The following ALK variants were observed in gnomAD, a reference collection of about 807,000 sequenced individuals.
ALK encodes ALK receptor tyrosine kinase, also known as ALK tyrosine kinase receptor.
Under a neutral mutation model 163.1 loss-of-function variants are expected in ALK, and 74 were observed. The ratio of observed to expected loss-of-function variants is 0.45; its 90% CI spans 0.38 to 0.55. The LOEUF (loss-of-function observed/expected upper bound fraction) is 0.55. ALK is among the 20% of genes least tolerant of loss of function. ALK has a pLI of 0.00. For missense variants in ALK, 2,063 were observed against 2,105.3 expected (o/e 0.98, Z 0.39); for synonymous variants, 960 against 843.2 (o/e 1.14, Z -2.40).
chr2:29,217,319 GGT>G (rs1049485666), intron 23 of ALK, among the ~76,000 whole-genome samples: 17 of 148,616 alleles, frequency 1.1e-4, no homozygotes, highest in African/African-American at 3.2e-4. Flanking sequence ...ATATGCATGT[GGT>G]GTGTGTTTTT....
rs111602861 is a variant in ALK, at chr2:29,881,874, C to G, written c.667+38119G>C. Among the ~76,000 whole-genome samples the G allele has an allele frequency of 3.7e-3, 557 of 152,304 alleles. 7 individuals are homozygous for G. Among genetic ancestry groups the G allele is most frequent in the African/African-American group, 0.013 (528 of 41,576 alleles). The stretch of plus-strand genomic sequence containing the variant: ...TCCCTCATTTTAAACCTCAAATTTT[C>G]TGTAGTTTCTACTCCCAGCAGATTG... On this transcript the variant is annotated intron_variant, in intron 1 of 28. Transcript: ENST00000389048.
At chr2:29,543,280 G>C (rs1340714586) in intron 3 of ALK, among the ~76,000 whole-genome samples, 1 of 152,168 alleles carries the variant, frequency 6.6e-6, no homozygotes, top group Admixed American at 6.5e-5. Context: ...CATGCTGCTG[G>C]ATTATTCACA....
intron 1 of ALK, among the ~76,000 whole-genome samples, chr2:29,860,828 T>A (rs1487728460): frequency 6.6e-6 from 1 of 152,112 alleles, no homozygotes; most frequent in Non-Finnish European, 1.5e-5. Context: ...AGACAAAATT[T>A]AAAACACAAC....
chr2:29,332,284 TCAAAAAAAAAAAAAAAAAA>T (rs1667465128), intron 5 of ALK, among the ~76,000 whole-genome samples: 1 of 33,380 alleles, frequency 3.0e-5, no homozygotes, highest in Non-Finnish European at 5.4e-5. Context: ...AGACTCCATC[TCAAAAAAAAAAAAAAAAAA>T]AAAAAAAAAA....
At chr2:29,292,925 C>G (rs1666076045) in intron 9 of ALK, among the ~76,000 whole-genome samples, 1 of 152,186 alleles carries the variant, frequency 6.6e-6, no homozygotes, top group Admixed American at 6.5e-5. Flanking sequence ...TGGGGGCAAT[C>G]TGACTAGAGC....
intron 1 of ALK, among the ~76,000 whole-genome samples, chr2:29,859,091 C>T (rs1036852596): frequency 1.3e-5 from 2 of 152,182 alleles, no homozygotes; most frequent in Non-Finnish European, 2.9e-5. Context: ...ATCTTCCAGA[C>T]ATTCTCAGGA....
chr2:29,657,335 G>A (rs1401508051), intron 3 of ALK, among the ~76,000 whole-genome samples: 1 of 152,088 alleles, frequency 6.6e-6, no homozygotes, highest in African/African-American at 2.4e-5. Flanking sequence ...TTCAGTAGAA[G>A]CATGACTCCG....
chr2:29,269,983 G>A (rs1665337513), intron 11 of ALK, among the ~76,000 whole-genome samples: 2 of 152,186 alleles, frequency 1.3e-5, no homozygotes, highest in Non-Finnish European at 2.9e-5. Flanking sequence ...CTGTTGAAAC[G>A]AAAACTAACA....
chr2:29,464,135 T>G (rs991291503), intron 4 of ALK, among the ~76,000 whole-genome samples: 2 of 152,182 alleles, frequency 1.3e-5, no homozygotes, highest in Admixed American at 6.5e-5. Context: ...CTTGATGATA[T>G]AAAATCACAA....
intron 4 of ALK, among the ~76,000 whole-genome samples, chr2:29,384,651 A>AGTGTGT (rs56101801): frequency 4.8e-4 from 72 of 150,654 alleles, no homozygotes; most frequent in East Asian, 3.9e-4. Flanking sequence ...AATGTCTGCG[A>AGTGTGT]GTGTGTGTGT....
chr2:29,614,076 G>A (rs1255607686), intron 3 of ALK, among the ~76,000 whole-genome samples: 2 of 152,186 alleles, frequency 1.3e-5, no homozygotes, highest in Non-Finnish European at 2.9e-5. Flanking sequence ...CAGAGAAAGT[G>A]AGGAGGAGCT....
intron 1 of ALK, among the ~76,000 whole-genome samples, chr2:29,765,384 T>G (rs1380063638): frequency 6.6e-6 from 1 of 152,188 alleles, no homozygotes; most frequent in Admixed American, 6.5e-5. Flanking sequence ...TCTCCAGGAT[T>G]GTTGGATTAA....
intron 3 of ALK, among the ~76,000 whole-genome samples, chr2:29,643,609 G>T (rs965074547): frequency 6.6e-6 from 1 of 152,180 alleles, no homozygotes; most frequent in African/African-American, 2.4e-5. Flanking sequence ...CCAGGAGCGG[G>T]TGAACAGTGG....
At chr2:29,508,403 G>A (rs1672400193) in intron 4 of ALK, among the ~76,000 whole-genome samples, 1 of 152,058 alleles carries the variant, frequency 6.6e-6, no homozygotes, top group Non-Finnish European at 1.5e-5. Flanking sequence ...GTAGGGACAT[G>A]GATGAAGCTG....
At chr2:29,862,723 CCT>C (rs1666326458) in intron 1 of ALK, among the ~76,000 whole-genome samples, 3 of 151,798 alleles carry the variant, frequency 2.0e-5, no homozygotes, top group East Asian at 3.9e-4. Context: ...CAATGCAACC[CCT>C]ATCAAAATTC....
At chr2:29,476,657 A>G (rs1671532597) in intron 4 of ALK, among the ~76,000 whole-genome samples, 1 of 152,068 alleles carries the variant, frequency 6.6e-6, no homozygotes, top group Non-Finnish European at 1.5e-5. Context: ...TGCTTCCCCG[A>G]CAAGGCACAG....
Position 29,288,977 on chromosome 2 carries a change from AAT to A in ALK, c.1817+7909_1817+7910del, listed in dbSNP as rs1665943427. Among the ~76,000 whole-genome samples, 19 of 146,854 alleles carry A rather than the reference AAT, an allele frequency of 1.3e-4. 1 individual carries two copies. The highest frequency in any genetic ancestry group is 9.4e-4 in the Admixed American group (14 of 14,816). ...AAAAAAATAAATAAATAAATAAATA[AAT>A]AAATAAATAAATAAATAAATAAAAG... On this transcript the variant is annotated intron_variant, in intron 9 of 28. Transcript: ENST00000389048.
chr2:29,319,330 T>A (rs906007800), intron 7 of ALK: 1 of 152,238 alleles, frequency 6.6e-6, no homozygotes, highest in Non-Finnish European at 1.5e-5. Context: ...TCTACCTTTC[T>A]GCCTCTCTCA....
chr2:29,631,475 G>A (rs868036111), intron 3 of ALK, among the ~76,000 whole-genome samples: 1 of 152,192 alleles, frequency 6.6e-6, no homozygotes, highest in Non-Finnish European at 1.5e-5. Context: ...ATCCTGGGAC[G>A]GGTTGTGCAT....
Sources: gnomAD v4.1 joint callset for allele counts (sites outside exome capture counted in the v4.1 genomes callset) on GRCh38, gnomAD v4.1.1 for gene constraint, MANE v1.5 for transcripts, NCBI Gene and HGNC (gene_info 2026-07-23, HGNC 2026-07-21) for gene names.